Variants in IL1RAPL2 observed in about 807,000 individuals in gnomAD.
IL1RAPL2 encodes the protein X-linked interleukin-1 receptor accessory protein-like 2.
Under a neutral mutation model 44.1 loss-of-function variants are expected in IL1RAPL2, and 3 were observed. The observed-to-expected ratio is 0.07, with a 90% confidence interval of 0.03 to 0.18. IL1RAPL2 has a LOEUF of 0.18. Among genes scored for constraint, IL1RAPL2 ranks in the 10% least tolerant of loss-of-function variants. The pLI, the probability that IL1RAPL2 is intolerant of heterozygous loss-of-function variation, is 1.00. For missense variants in IL1RAPL2, 391 were observed against 496.4 expected, an observed-to-expected ratio of 0.79 and a Z score of 2.02; for synonymous variants, 181 against 178.8, an observed-to-expected ratio of 1.01 and a Z score of -0.10.
intron 5 of IL1RAPL2, chrX:105,406,493 G>A: frequency 8.3e-7 from 1 of 1,202,409 alleles, no homozygotes; most frequent in Non-Finnish European, 1.1e-6. Flanking sequence ...AAAGGAATTT[G>A]TCCGATTTTT....
chrX:104,741,696 T>TTTG (rs1003077977), intron 2 of IL1RAPL2, among the ~76,000 whole-genome samples: 3 of 109,914 alleles, frequency 2.7e-5, no homozygotes, highest in African/African-American at 6.6e-5. Flanking sequence ...CAAGAAGAAG[T>TTTG]TTGTTGTTGT....
At chrX:105,392,068 C>A (rs1319785629) in intron 5 of IL1RAPL2, among the ~76,000 whole-genome samples, 3 of 105,852 alleles carry the variant, frequency 2.8e-5, no homozygotes, top group African/African-American at 6.9e-5. Flanking sequence ...ATGGGTGCAG[C>A]ACACCAGCAT....
At chrX:104,653,470 CTAATGGTAAGTA>C (rs1233531363) in intron 1 of IL1RAPL2, among the ~76,000 whole-genome samples, 1 of 111,221 alleles carries the variant, frequency 9.0e-6, no homozygotes, top group Non-Finnish European at 1.9e-5. Context: ...TTCAGCATGT[CTAATGGTAAGTA>C]TATGGTTAAC....
chrX:105,099,565 C>T (rs1320165922), intron 2 of IL1RAPL2, among the ~76,000 whole-genome samples: 4 of 99,774 alleles, frequency 4.0e-5, no homozygotes, highest in Admixed American at 1.1e-4. Context: ...CCCGGGTTCA[C>T]GCCATTCTCC....
intron 6 of IL1RAPL2, among the ~76,000 whole-genome samples, chrX:105,647,044 G>C (rs1234606226): frequency 8.9e-6 from 1 of 112,349 alleles, no homozygotes; most frequent in African/African-American, 3.2e-5. Flanking sequence ...AGCTCTATTA[G>C]AAGCCGTGGC....
chrX:105,458,881 T>A (rs2036074700), intron 5 of IL1RAPL2, among the ~76,000 whole-genome samples: 1 of 111,675 alleles, frequency 9.0e-6, no homozygotes, highest in African/African-American at 3.3e-5. Context: ...GGCTTCTGGA[T>A]TGCTCTAAAT....
chrX:105,074,379 C>G (rs966201387), intron 2 of IL1RAPL2, among the ~76,000 whole-genome samples: 1 of 111,203 alleles, frequency 9.0e-6, no homozygotes, highest in African/African-American at 3.3e-5. Context: ...TCTGAGGGCT[C>G]TGTTCTGTTC....
At chrX:104,826,793 C>T (rs1254082787) in intron 2 of IL1RAPL2, among the ~76,000 whole-genome samples, 1 of 110,483 alleles carries the variant, frequency 9.1e-6, no homozygotes, top group Non-Finnish European at 1.9e-5. Flanking sequence ...TTTGGCTGCT[C>T]CTGTACTGGG....
At chrX:104,768,442 A>T (rs1381369389) in intron 2 of IL1RAPL2, among the ~76,000 whole-genome samples, 1 of 111,385 alleles carries the variant, frequency 9.0e-6, no homozygotes, top group Non-Finnish European at 1.9e-5. Context: ...ATACTGAAAA[A>T]GGTTTAAACT....
intron 2 of IL1RAPL2, among the ~76,000 whole-genome samples, chrX:104,832,983 A>G (rs1297068221): frequency 8.9e-6 from 1 of 111,779 alleles, no homozygotes; most frequent in Admixed American, 9.6e-5. Context: ...TGAAAATTAT[A>G]AGAATGATAA....
chrX:104,625,015 A>G (rs1929473036), intron 1 of IL1RAPL2, among the ~76,000 whole-genome samples: 1 of 112,215 alleles, frequency 8.9e-6, no homozygotes, highest in Non-Finnish European at 1.9e-5. Context: ...AATATTTGAA[A>G]ATAAGCAGGC....
intron 2 of IL1RAPL2, among the ~76,000 whole-genome samples, chrX:104,667,489 C>T (rs1930505877): frequency 9.0e-6 from 1 of 111,361 alleles, no homozygotes; most frequent in African/African-American, 3.3e-5. Context: ...AATACAAAGA[C>T]ACTGAGGTAG....
intron 2 of IL1RAPL2, among the ~76,000 whole-genome samples, chrX:104,791,164 G>A (rs1932823841): frequency 9.2e-6 from 1 of 108,876 alleles, no homozygotes; most frequent in South Asian, 4.1e-4. Flanking sequence ...CCTCTGCCTT[G>A]CCTGCCCTGC....
intron 2 of IL1RAPL2, among the ~76,000 whole-genome samples, chrX:104,964,541 G>A (rs1000194012): frequency 5.5e-5 from 6 of 109,800 alleles, no homozygotes; most frequent in Non-Finnish European, 7.6e-5. Context: ...TCGATCTCCT[G>A]ACCTTGTGAT....
intron 2 of IL1RAPL2, among the ~76,000 whole-genome samples, chrX:104,792,795 G>A (rs1358171124): frequency 9.0e-6 from 1 of 111,137 alleles, no homozygotes; most frequent in Non-Finnish European, 1.9e-5. Context: ...TTATTTAAAG[G>A]ATAACTCCAA....
At chrX:104,899,598 A>G (rs763063439) in intron 2 of IL1RAPL2, among the ~76,000 whole-genome samples, 21 of 111,626 alleles carry the variant, frequency 1.9e-4, no homozygotes, top group Non-Finnish European at 3.6e-4. Flanking sequence ...TGCCACACAT[A>G]ATTGTGTGCT....
chrX:104,705,725 G>A (rs907389651), intron 2 of IL1RAPL2, among the ~76,000 whole-genome samples: 1 of 111,489 alleles, frequency 9.0e-6, no homozygotes, highest in Non-Finnish European at 1.9e-5. Flanking sequence ...AGCTAAACTG[G>A]AGGCGAGAGG....
At chrX:105,220,345 A>G in intron 3 of IL1RAPL2, 1 of 1,205,173 alleles carries the variant, frequency 8.3e-7, no homozygotes, top group African/African-American at 1.7e-5. Context: ...GATGAAGGCC[A>G]CCACGTTGCT....
At chrX:104,970,290 G>C (rs969792774) in intron 2 of IL1RAPL2, among the ~76,000 whole-genome samples, 1 of 111,761 alleles carries the variant, frequency 8.9e-6, no homozygotes, top group Non-Finnish European at 1.9e-5. Flanking sequence ...TGATATAATT[G>C]ATACAGAGCA....
Sources: gnomAD v4.1 joint callset for allele counts (sites outside exome capture counted in the v4.1 genomes callset) on GRCh38, gnomAD v4.1.1 for gene constraint, MANE v1.5 for transcripts, NCBI Gene and HGNC (gene_info 2026-07-23, HGNC 2026-07-21) for gene names.